Variants in SLC39A8 observed in about 807,000 individuals in gnomAD.
SLC39A8 encodes the protein metal cation symporter ZIP8.
SLC39A8 carries 15 observed loss-of-function variants against 40.4 expected under a neutral mutation model. The ratio of observed to expected loss-of-function variants is 0.37; its 90% CI spans 0.25 to 0.57. The LOEUF (loss-of-function observed/expected upper bound fraction) is 0.57. SLC39A8 is among the 20% of genes least tolerant of loss of function. The pLI is 0.75. For missense variants in SLC39A8, 472 were observed against 558.8 expected, an observed-to-expected ratio of 0.84 and a Z score of 1.57; for synonymous variants, 223 against 221.6, an observed-to-expected ratio of 1.01 and a Z score of -0.06.
chr4:102,278,413 G>A (rs866743705), intron 6 of SLC39A8, among the ~76,000 whole-genome samples: 11 of 152,186 alleles, frequency 7.2e-5, no homozygotes, highest in African/African-American at 1.7e-4. Context: ...GATCATTAGC[G>A]AAATGCAAAT....
intron 4 of SLC39A8, among the ~76,000 whole-genome samples, 172 bp downstream of exon 4, chr4:102,307,264 C>T (rs1734219367): frequency 6.6e-6 from 1 of 152,042 alleles, no homozygotes; most frequent in African/African-American, 2.4e-5. Flanking sequence ...GTGATATCCA[C>T]TGCAGCTTGG....
downstream of SLC39A8, among the ~76,000 whole-genome samples, chr4:102,258,772 G>C (rs1198671727): frequency 6.6e-6 from 1 of 152,204 alleles, no homozygotes; most frequent in Non-Finnish European, 1.5e-5. Context: ...GGATTCTTCA[G>C]AGGGGTTCCT....
In SLC39A8 at chr4:102,267,667, A is replaced by C. The variant is rs780885028; in HGVS notation, c.1056T>G (p.Phe352Leu). The C allele has an allele frequency of 3.8e-6, 6 of 1,582,424 alleles. No individual in the cohort carries two copies. The highest frequency in any genetic ancestry group is 5.1e-6 in the Non-Finnish European group (6 of 1,169,646). ...TCATCCCTGCATTGAGTAGGATCACAAAGTCTCCTAGAAGAAGAAGAAGAA... is the reference window on the plus strand; with the variant it reads ...TCATCCCTGCATTGAGTAGGATCACCAAGTCTCCTAGAAGAAGAAGAAGAA... ...CEEFPHELGDFVILLNAGMST... is the reference protein window; with the variant it reads ...CEEFPHELGDLVILLNAGMST... The change falls in exon 8 of 9, where the codon TTT becomes TTG. Residue 352 changes from phenylalanine (F) to leucine (L), a missense_variant. Coordinates refer to ENST00000356736, the MANE Select transcript of SLC39A8 (RefSeq NM_001135146.2).
At chr4:102,272,216 G>A (rs780452230) in intron 6 of SLC39A8, among the ~76,000 whole-genome samples, 5 of 151,858 alleles carry the variant, frequency 3.3e-5, no homozygotes, top group African/African-American at 7.3e-5. Context: ...AGCAGATCAC[G>A]AGGTCAGGAG....
In SLC39A8 at chr4:102,263,203, A is replaced by G. The variant is rs1560524292; in HGVS notation, c.1234-10T>C. 1 of 1,611,706 alleles carries G rather than the reference A, an allele frequency of 6.2e-7. No homozygotes were observed. ...CATTCATCTCTGGAAACTAGAAGAC[A>G]GATATATTGTTAGATAACTGTTGCC... On this transcript the variant is annotated splice_polypyrimidine_tract_variant and intron_variant, in intron 8 of 8. Coordinates refer to ENST00000356736, the MANE Select transcript of SLC39A8 (RefSeq NM_001135146.2).
At chr4:102,300,139 G>A (rs554209061) in intron 6 of SLC39A8, among the ~76,000 whole-genome samples, 8 of 152,006 alleles carry the variant, frequency 5.3e-5, no homozygotes, top group Admixed American at 2.0e-4. Context: ...AAGCATGCAC[G>A]TGCCCACACG....
rs1386264536 is a variant in SLC39A8, at chr4:102,286,592, TA to T, written c.840+17724del. ...CACAAAACCTGCCACAGTGTATGGA[TA>T]AGACTAACACAACATATCAAACACA... On this transcript the variant is annotated intron_variant, in intron 6 of 8. Transcript: ENST00000356736. 3.3e-5 allele frequency among the ~76,000 whole-genome samples: 5 copies of T among 152,232 alleles called. No individual in the cohort carries two copies. In the East Asian group the frequency reaches 9.6e-4, roughly 29 times the overall value.
At chr4:102,343,937 C>G (rs1303173204) in intron 2 of SLC39A8, among the ~76,000 whole-genome samples, 1 of 152,162 alleles carries the variant, frequency 6.6e-6, no homozygotes, top group Non-Finnish European at 1.5e-5. Context: ...CTGTTTCAGC[C>G]CTGAATGCCT....
At chr4:102,335,189 A>T (rs1017831203) in intron 2 of SLC39A8, among the ~76,000 whole-genome samples, 10 of 152,188 alleles carry the variant, frequency 6.6e-5, no homozygotes, top group Non-Finnish European at 2.9e-5. Context: ...TTTAACATTC[A>T]AACTCTATTA....
At chr4:102,271,151 G>A (rs1732347175) in intron 6 of SLC39A8, among the ~76,000 whole-genome samples, 1 of 151,816 alleles carries the variant, frequency 6.6e-6, no homozygotes, top group South Asian at 2.1e-4. Flanking sequence ...AAGGAAAACA[G>A]GGAGAACAAG....
At chr4:102,323,250 A>T (rs1457949977) in intron 2 of SLC39A8, among the ~76,000 whole-genome samples, 1 of 152,208 alleles carries the variant, frequency 6.6e-6, no homozygotes, top group Non-Finnish European at 1.5e-5. Context: ...GGTTGCTCAC[A>T]CCTTCTCTGA....
intron 6 of SLC39A8, among the ~76,000 whole-genome samples, chr4:102,286,308 T>A (rs1733177283): frequency 6.6e-6 from 1 of 152,150 alleles, no homozygotes; most frequent in Admixed American, 6.6e-5. Flanking sequence ...CATTATTAAC[T>A]TTTTTTATCA....
At chr4:102,282,183 C>A (rs1732916714) in intron 6 of SLC39A8, among the ~76,000 whole-genome samples, 1 of 152,314 alleles carries the variant, frequency 6.6e-6, no homozygotes, top group South Asian at 2.1e-4. Context: ...CCAGGAGATA[C>A]AGGATTTTAT....
In SLC39A8 at chr4:102,263,141, T is replaced by G. The variant is rs1215636069; in HGVS notation, c.1286A>C (p.Asp429Ala). The change falls in exon 9 of 9, where the codon GAT becomes GCT. Residue 429 changes from aspartate (D) to alanine (A), a missense_variant. Transcript: ENST00000356736. The part of the protein sequence containing the change: ...LREKVTGRKT[D>A]FTFFMIQNAG... ...ATTCTGAATCATGAAGAAGGTGAAATCGGTTTTTCTTCCAGTTACCTTTTC... is the reference window on the plus strand; with the variant it reads ...ATTCTGAATCATGAAGAAGGTGAAAGCGGTTTTTCTTCCAGTTACCTTTTC... 1.9e-6 allele frequency: 3 copies of G among 1,613,814 alleles called. No homozygotes were observed. The highest frequency in any genetic ancestry group is 2.5e-6 in the Non-Finnish European group (3 of 1,179,770).
intron 2 of SLC39A8, among the ~76,000 whole-genome samples, chr4:102,323,483 C>A (rs1735051029): frequency 6.6e-6 from 1 of 152,084 alleles, no homozygotes; most frequent in South Asian, 2.1e-4. Context: ...GGAAATAAGA[C>A]ATGATACACA....
chr4:102,331,034 AAG>A (rs1359932830), intron 2 of SLC39A8, among the ~76,000 whole-genome samples: 1 of 152,202 alleles, frequency 6.6e-6, no homozygotes, highest in East Asian at 1.9e-4. Context: ...TCAAAATAAT[AAG>A]AGCTGCTTAT....
intron 2 of SLC39A8, among the ~76,000 whole-genome samples, chr4:102,316,271 C>T (rs1275043145): frequency 2.0e-5 from 3 of 152,164 alleles, no homozygotes; most frequent in Non-Finnish European, 2.9e-5. Flanking sequence ...AAATACCTGG[C>T]TCCCTACAGT....
intron 8 of SLC39A8, 99 bp from the exon 9 acceptor site, chr4:102,263,292 T>A: frequency 9.9e-7 from 1 of 1,005,126 alleles, no homozygotes; most frequent in Non-Finnish European, 1.5e-6. Flanking sequence ...TGGGTTTGGT[T>A]CCAGACCAGT....
chr4:102,278,946 G>A (rs997773617), intron 6 of SLC39A8, among the ~76,000 whole-genome samples: 7 of 151,880 alleles, frequency 4.6e-5, no homozygotes, highest in African/African-American at 1.7e-4. Flanking sequence ...GTTGAACAAT[G>A]AGAACTTACG....
Sources: allele counts gnomAD v4.1 joint callset (sites outside exome capture counted in the v4.1 genomes callset), GRCh38; gene constraint gnomAD v4.1.1; transcripts MANE v1.5; gene names NCBI Gene and HGNC (gene_info 2026-07-23, HGNC 2026-07-21).